The following TAF4B variants were observed in gnomAD, a reference collection of about 807,000 sequenced individuals.
TAF4B encodes the protein TATA-box binding protein associated factor 4b, also known as transcription initiation factor TFIID subunit 4B.
In TAF4B, 38 loss-of-function variants were observed where a neutral mutation model predicts 86.4. The observed-to-expected ratio is 0.44, with a 90% CI of 0.34 to 0.58. TAF4B has a LOEUF of 0.58. Among genes scored for constraint, TAF4B ranks in the 20% least tolerant of loss-of-function variants. The pLI is 0.02. For synonymous variants in TAF4B, 388 were observed against 391.2 expected (o/e 0.99, Z 0.10); for missense variants, 988 against 1,027.6 (o/e 0.96, Z 0.53).
intron 11 of TAF4B, 113 bp downstream of exon 11, chr18:26,321,313 T>C (rs1434049098): frequency 1.2e-5 from 13 of 1,070,958 alleles, no homozygotes; most frequent in Non-Finnish European, 1.7e-5. Flanking sequence ...TTATATTTCA[T>C]ATTAGTGGAA....
At chr18:26,287,085 A>T (rs551867423) in intron 7 of TAF4B, among the ~76,000 whole-genome samples, 1 of 152,190 alleles carries the variant, frequency 6.6e-6, no homozygotes, top group Non-Finnish European at 1.5e-5. Flanking sequence ...TTTTTTTGTA[A>T]AACATAACCA....
At chr18:26,294,345 G>A (rs1420819235) in intron 9 of TAF4B, among the ~76,000 whole-genome samples, 4 of 151,944 alleles carry the variant, frequency 2.6e-5, no homozygotes, top group Admixed American at 2.6e-4. Context: ...GGTTATTATT[G>A]TGGTTTTAGT....
At chr18:26,285,018 G>C (rs1421905323) in intron 6 of TAF4B, among the ~76,000 whole-genome samples, 12 of 148,712 alleles carry the variant, frequency 8.1e-5, no homozygotes, top group African/African-American at 3.0e-4. Context: ...CCCAGGCTGG[G>C]GTGTAGTGGT....
intron 3 of TAF4B, among the ~76,000 whole-genome samples, chr18:26,272,625 C>T (rs1402947551): frequency 6.6e-6 from 1 of 152,050 alleles, no homozygotes; most frequent in Admixed American, 6.5e-5. Context: ...ACAGTACACC[C>T]CCAAGGAACC....
chr18:26,240,545 C>T (rs999576150), intron 1 of TAF4B, among the ~76,000 whole-genome samples: 1 of 152,222 alleles, frequency 6.6e-6, no homozygotes, highest in African/African-American at 2.4e-5. Context: ...GACAATTTGA[C>T]TTCCTCTTTT....
intron 7 of TAF4B, among the ~76,000 whole-genome samples, chr18:26,289,312 T>C (rs1220972991): frequency 6.6e-6 from 1 of 152,216 alleles, no homozygotes; most frequent in East Asian, 1.9e-4. Context: ...ATAAGAAATA[T>C]GGCAAATAAT....
rs551026766 is a variant in TAF4B, at chr18:26,316,216, C to T, written c.2002+818C>T. Among the ~76,000 whole-genome samples, 12 of 152,004 alleles carry T rather than the reference C, an allele frequency of 7.9e-5. No homozygotes were observed. In the South Asian group the frequency reaches 2.3e-3, roughly 29 times the overall value. On this transcript the variant is annotated intron_variant, in intron 10 of 14. Coordinates refer to ENST00000269142, the MANE Select transcript of TAF4B (RefSeq NM_005640.3). Reference sequence around the variant, plus strand: ...TAAGTAAGACCTTTATATTTTATAACGAAGGCTTGATACAAAAACGTGAAG... The same window carrying T: ...TAAGTAAGACCTTTATATTTTATAATGAAGGCTTGATACAAAAACGTGAAG...
At chr18:26,295,016 C>G (rs1388455289) in intron 9 of TAF4B, among the ~76,000 whole-genome samples, 2 of 149,010 alleles carry the variant, frequency 1.3e-5, no homozygotes, top group South Asian at 4.2e-4. Flanking sequence ...ATAAACATGC[C>G]ACAAGGAAAA....
chr18:26,316,550 C>T (rs1036462201), intron 10 of TAF4B, among the ~76,000 whole-genome samples: 1 of 152,062 alleles, frequency 6.6e-6, no homozygotes, highest in African/African-American at 2.4e-5. Flanking sequence ...ACCACCACAC[C>T]CAGCTAATTT....
At chr18:26,241,645 T>C (rs186496238) in intron 1 of TAF4B, among the ~76,000 whole-genome samples, 15 of 152,288 alleles carry the variant, frequency 9.8e-5, no homozygotes, top group Admixed American at 9.2e-4. Context: ...ATGTGTTTGC[T>C]CTTGCTTCTC....
At chr18:26,338,470 ATTTTTTTTTT>A (rs764826705) in intron 13 of TAF4B, among the ~76,000 whole-genome samples, 3 of 71,188 alleles carry the variant, frequency 4.2e-5, no homozygotes, top group African/African-American at 1.6e-4. Flanking sequence ...AAGAACTAGA[ATTTTTTTTTT>A]TTTTTTTTTT....
At chr18:26,313,087 G>A (rs1446509485) in intron 9 of TAF4B, among the ~76,000 whole-genome samples, 1 of 152,040 alleles carries the variant, frequency 6.6e-6, no homozygotes, top group Non-Finnish European at 1.5e-5. Flanking sequence ...GTATTTTCAA[G>A]GTGCAGTCTC....
chr18:26,276,953 C>T (rs958061215), intron 5 of TAF4B, among the ~76,000 whole-genome samples: 1 of 152,100 alleles, frequency 6.6e-6, no homozygotes, highest in Non-Finnish European at 1.5e-5. Context: ...TACTTTAGAA[C>T]GACAAACAGC....
chr18:26,347,786 A>G (rs1567915032), intron 13 of TAF4B, among the ~76,000 whole-genome samples: 1 of 152,238 alleles, frequency 6.6e-6, no homozygotes, highest in Non-Finnish European at 1.5e-5. Flanking sequence ...ATACTTACAT[A>G]AGACAAAACA....
At chr18:26,281,264 A>C (rs182019086) in intron 5 of TAF4B, among the ~76,000 whole-genome samples, 8 of 150,884 alleles carry the variant, frequency 5.3e-5, no homozygotes, top group Admixed American at 1.3e-4. Context: ...CTAAAATAAA[A>C]GCTGAATTTT....
At chr18:26,323,296 A>G (rs1387334592) in intron 11 of TAF4B, among the ~76,000 whole-genome samples, 1 of 152,138 alleles carries the variant, frequency 6.6e-6, no homozygotes, top group Non-Finnish European at 1.5e-5. Context: ...TGTTCTATTC[A>G]TTATTGAAAG....
chr18:26,262,936 A>G (rs946773438), intron 1 of TAF4B, among the ~76,000 whole-genome samples: 7 of 152,142 alleles, frequency 4.6e-5, no homozygotes, highest in African/African-American at 7.2e-5. Context: ...TTTTGACACA[A>G]AAGACTTTTT....
chr18:26,260,307 T>C (rs1216140436), intron 1 of TAF4B, among the ~76,000 whole-genome samples: 12 of 152,212 alleles, frequency 7.9e-5, no homozygotes, highest in African/African-American at 2.4e-4. Context: ...TTGTCAATTT[T>C]GTCTTTTGTT....
At chr18:26,358,459 C>T (rs780986763) in intron 14 of TAF4B, among the ~76,000 whole-genome samples, 1 of 152,120 alleles carries the variant, frequency 6.6e-6, no homozygotes, top group Non-Finnish European at 1.5e-5. Flanking sequence ...GCCTGTAATC[C>T]CAGCACTTTG....
Sources: allele counts gnomAD v4.1 joint callset (sites outside exome capture counted in the v4.1 genomes callset), GRCh38; gene constraint gnomAD v4.1.1; transcripts MANE v1.5; gene names NCBI Gene and HGNC (gene_info 2026-07-23, HGNC 2026-07-21).